LRP1B: variants seen among roughly 807,000 people sequenced by gnomAD.
LRP1B encodes low-density lipoprotein receptor-related protein 1B.
Under a neutral mutation model 556.6 loss-of-function variants are expected in LRP1B, and 217 were observed. That is an observed-to-expected ratio of 0.39 (90% CI 0.35 to 0.44). LRP1B has a LOEUF of 0.44. Among genes scored for constraint, LRP1B ranks in the 20% least tolerant of loss-of-function variants. LRP1B has a pLI of 1.00. For missense variants in LRP1B, 5,053 were observed against 5,620.8 expected (o/e 0.90, Z 3.23); for synonymous variants, 2,047 against 1,865.8 (o/e 1.10, Z -2.50).
At position 142,015,301 on chromosome 2, in the gene LRP1B, G is replaced by A. The variant is rs531661003; in HGVS notation, c.82+115347C>T. On this transcript the variant is annotated intron_variant, in intron 1 of 90. Coordinates refer to ENST00000389484, the MANE Select transcript of LRP1B (RefSeq NM_018557.3). ...GATTCCCTATTTAATAAATGGGGTT[G>A]GGAAATTGGCTAGCGATATGCAGAA... 2.0e-5 allele frequency among the ~76,000 whole-genome samples: 3 copies of A among 152,252 alleles called. No homozygotes were observed. In the South Asian group the frequency reaches 6.2e-4, roughly 32 times the overall value.
chr2:142,097,840 A>G (rs1307997799), intron 1 of LRP1B, among the ~76,000 whole-genome samples: 1 of 151,724 alleles, frequency 6.6e-6, no homozygotes, highest in African/African-American at 2.4e-5. Flanking sequence ...AGAATAAGTA[A>G]GACATGGTGT....
chr2:141,765,444 T>C (rs1315917097), intron 2 of LRP1B, among the ~76,000 whole-genome samples: 2 of 152,158 alleles, frequency 1.3e-5, no homozygotes, highest in African/African-American at 4.8e-5. Context: ...CAGAAACAAT[T>C]TATCAAGCTT....
At chr2:141,915,349 CACACCATACAAAT>C (rs1421501821) in intron 1 of LRP1B, among the ~76,000 whole-genome samples, 1 of 152,032 alleles carries the variant, frequency 6.6e-6, no homozygotes, top group Non-Finnish European at 1.5e-5. Context: ...GCATACAAAA[CACACCATACAAAT>C]ACACCATACA....
At chr2:141,399,736 C>A (rs963537748) in intron 3 of LRP1B, among the ~76,000 whole-genome samples, 1 of 152,110 alleles carries the variant, frequency 6.6e-6, no homozygotes, top group African/African-American at 2.4e-5. Context: ...TCATTGTCCT[C>A]GTTTGTGACT....
chr2:140,950,452 T>A (rs6706503), intron 19 of LRP1B, 50 bp from the exon 20 acceptor site: 220,553 of 1,456,070 alleles, frequency 0.15, 20,370 homozygotes, highest in African/African-American at 0.4. Context: ...CATGAAGAAA[T>A]TTTTTCTTAT....
At chr2:140,893,038 A>G (rs1426542086) in intron 23 of LRP1B, among the ~76,000 whole-genome samples, 1 of 152,106 alleles carries the variant, frequency 6.6e-6, no homozygotes, top group East Asian at 1.9e-4. Flanking sequence ...AATAAAAGTA[A>G]AGAAAGAAAG....
intron 83 of LRP1B, among the ~76,000 whole-genome samples, chr2:140,304,359 T>C (rs1402371420): frequency 6.6e-6 from 1 of 152,190 alleles, no homozygotes; most frequent in African/African-American, 2.4e-5. Flanking sequence ...TTCTAACTAG[T>C]GTGAGATGGT....
intron 2 of LRP1B, among the ~76,000 whole-genome samples, chr2:141,600,308 C>T (rs1043145901): frequency 6.6e-6 from 1 of 152,086 alleles, no homozygotes; most frequent in African/African-American, 2.4e-5. Context: ...GAAGTGGGAA[C>T]CAGATAATTT....
At chr2:141,367,411 G>A (rs1455378661) in intron 3 of LRP1B, among the ~76,000 whole-genome samples, 1 of 148,162 alleles carries the variant, frequency 6.7e-6, no homozygotes, top group Non-Finnish European at 1.5e-5. Flanking sequence ...TACTTTAAAT[G>A]GATAACAAAG....
intron 41 of LRP1B, among the ~76,000 whole-genome samples, chr2:140,693,724 G>T (rs1479237371): frequency 3.3e-5 from 5 of 150,116 alleles, no homozygotes; most frequent in East Asian, 2.0e-4. Context: ...GTGGCGGGGG[G>T]GCGTGGAGAG....
chr2:140,419,476 C>T (rs1424535635), intron 66 of LRP1B, among the ~76,000 whole-genome samples: 1 of 152,108 alleles, frequency 6.6e-6, no homozygotes, highest in South Asian at 2.1e-4. Context: ...ATGTATAGAA[C>T]AGTCCACCCA....
chr2:140,787,588 T>TTTTA (rs1689952927), intron 32 of LRP1B, among the ~76,000 whole-genome samples: 1 of 86,578 alleles, frequency 1.2e-5, no homozygotes, highest in Non-Finnish European at 2.5e-5. Flanking sequence ...TTTTTTTTTT[T>TTTTA]GAGACAGGTT....
At chr2:140,292,977 G>T (rs2104990621) in intron 84 of LRP1B, among the ~76,000 whole-genome samples, 1 of 152,218 alleles carries the variant, frequency 6.6e-6, no homozygotes, top group Non-Finnish European at 1.5e-5. Flanking sequence ...TTACTGTCAG[G>T]TACTTCTAAC....
intron 27 of LRP1B, among the ~76,000 whole-genome samples, chr2:140,862,266 GA>G (rs943687855): frequency 4.7e-5 from 7 of 150,346 alleles, no homozygotes; most frequent in Non-Finnish European, 7.4e-5. Flanking sequence ...TGTACGGTTG[GA>G]AAAAAAAACC....
intron 3 of LRP1B, among the ~76,000 whole-genome samples, chr2:141,260,681 C>G (rs1285897399): frequency 6.6e-6 from 1 of 152,154 alleles, no homozygotes; most frequent in Non-Finnish European, 1.5e-5. Flanking sequence ...AGTCAAATAA[C>G]TCACATTGAT....
At chr2:141,156,111 A>C (rs560898249) in intron 7 of LRP1B, among the ~76,000 whole-genome samples, 1 of 152,182 alleles carries the variant, frequency 6.6e-6, no homozygotes, top group South Asian at 2.1e-4. Flanking sequence ...ACTAACCTAC[A>C]TATCTCACCA....
At chr2:142,016,379 G>GT (rs1260416532) in intron 1 of LRP1B, among the ~76,000 whole-genome samples, 2 of 152,136 alleles carry the variant, frequency 1.3e-5, no homozygotes, top group Non-Finnish European at 2.9e-5. Context: ...ATATGCACAC[G>GT]TATGTTTATT....
chr2:141,610,035 T>G (rs758693624), intron 2 of LRP1B, among the ~76,000 whole-genome samples: 7 of 152,332 alleles, frequency 4.6e-5, no homozygotes, highest in Admixed American at 6.5e-5. Context: ...TTCTATCATG[T>G]AGCTGATATG....
chr2:140,387,665 T>C (rs1683820464), intron 66 of LRP1B, among the ~76,000 whole-genome samples: 1 of 152,078 alleles, frequency 6.6e-6, no homozygotes, highest in Non-Finnish European at 1.5e-5. Flanking sequence ...TGCAATGTTT[T>C]CTGCTTTATA....
Sources: gnomAD v4.1 joint callset for allele counts (sites outside exome capture counted in the v4.1 genomes callset) on GRCh38, gnomAD v4.1.1 for gene constraint, MANE v1.5 for transcripts, NCBI Gene and HGNC (gene_info 2026-07-23, HGNC 2026-07-21) for gene names.